Variants in CRPPA observed in about 807,000 individuals in gnomAD.
CRPPA encodes D-ribitol-5-phosphate cytidylyltransferase.
CRPPA carries 43 observed loss-of-function variants against 52.0 expected under a neutral mutation model. The observed-to-expected ratio is 0.83, with a 90% CI of 0.65 to 1.07. The LOEUF (loss-of-function observed/expected upper bound fraction) is 1.07. Ranked by LOEUF, CRPPA falls within the 50% of genes least tolerant of loss-of-function variation. The probability of loss-of-function intolerance (pLI) is 0.00; values close to 1 mark genes in which losing one functional copy is unlikely to be tolerated. For missense variants in CRPPA, 629 were observed against 551.7 expected, an observed-to-expected ratio of 1.14 and a Z score of -1.40; for synonymous variants, 250 against 203.5, an observed-to-expected ratio of 1.23 and a Z score of -1.94.
chr7:16,180,189 T>C (rs868121516), intron 9 of CRPPA, among the ~76,000 whole-genome samples: 11 of 152,200 alleles, frequency 7.2e-5, no homozygotes, highest in Admixed American at 1.3e-4. Context: ...ACAAACTCTG[T>C]TGCCCAATCC....
chr7:16,294,564 G>A (rs1240869645), intron 5 of CRPPA, among the ~76,000 whole-genome samples: 2 of 151,782 alleles, frequency 1.3e-5, no homozygotes, highest in African/African-American at 4.8e-5. Context: ...TGACACAAAT[G>A]TTCTCACAGA....
chr7:16,365,539 C>T (rs1786568692), intron 3 of CRPPA, among the ~76,000 whole-genome samples: 2 of 152,160 alleles, frequency 1.3e-5, no homozygotes, highest in South Asian at 4.2e-4. Context: ...AGAAATAAAT[C>T]TACATAAAGC....
chr7:16,269,887 A>G (rs867504822), intron 6 of CRPPA: 4 of 152,194 alleles, frequency 2.6e-5, no homozygotes, highest in Admixed American at 2.6e-4. Flanking sequence ...AACATCATGT[A>G]TCCTATAACT....
rs78948306 is a variant in CRPPA at position 16,191,233 on chromosome 7, G to T, written c.1251+24833C>A. Among the ~76,000 whole-genome samples the T allele has an allele frequency of 6.6e-5, 10 of 152,132 alleles. No homozygotes were observed. The East Asian group carries it at 1.7e-3, about 26-fold the overall frequency. On this transcript the variant is annotated intron_variant, in intron 9 of 9. Coordinates refer to ENST00000407010, the MANE Select transcript of CRPPA (RefSeq NM_001101426.4). The stretch of plus-strand genomic sequence containing the variant: ...CTTACTCTCATAGTGTAAAGCAGAG[G>T]TTTGCCGAGTATGTTCTAGAATGAA...
intron 9 of CRPPA, among the ~76,000 whole-genome samples, chr7:16,175,901 C>G (rs989283086): frequency 6.6e-6 from 1 of 152,078 alleles, no homozygotes; most frequent in Non-Finnish European, 1.5e-5. Context: ...AATGTCTCTC[C>G]TATTGATGAC....
At chr7:16,401,463 A>C (rs902093003) in intron 2 of CRPPA, among the ~76,000 whole-genome samples, 1 of 152,226 alleles carries the variant, frequency 6.6e-6, no homozygotes, top group African/African-American at 2.4e-5. Flanking sequence ...TTGATCACCA[A>C]CAAGAGCATA....
intron 8 of CRPPA, among the ~76,000 whole-genome samples, chr7:16,255,295 C>T (rs889680761): frequency 1.3e-5 from 2 of 152,058 alleles, no homozygotes; most frequent in African/African-American, 2.4e-5. Context: ...TAAAAGAGGA[C>T]ACAAACGATT....
At chr7:16,305,096 A>G (rs1241032836) in intron 4 of CRPPA, among the ~76,000 whole-genome samples, 1 of 152,220 alleles carries the variant, frequency 6.6e-6, no homozygotes, top group African/African-American at 2.4e-5. Context: ...TACTCTCATC[A>G]TACAAAATAA....
intron 3 of CRPPA, among the ~76,000 whole-genome samples, chr7:16,326,643 T>C (rs893146679): frequency 5.3e-5 from 8 of 152,238 alleles, no homozygotes; most frequent in African/African-American, 1.9e-4. Context: ...GTTCTGAAGT[T>C]AAAGAGATTC....
chr7:16,388,572 C>A (rs1269991733), intron 2 of CRPPA, among the ~76,000 whole-genome samples: 1 of 152,062 alleles, frequency 6.6e-6, no homozygotes, highest in Admixed American at 6.5e-5. Flanking sequence ...AAATATGGTT[C>A]TCTTATAAAA....
At chr7:16,210,497 ACT>A (rs1782104292) in intron 9 of CRPPA, 1 of 152,080 alleles carries the variant, frequency 6.6e-6, no homozygotes, top group Non-Finnish European at 1.5e-5. Flanking sequence ...GTTTCCAGAC[ACT>A]CTGTGCAAAG....
At chr7:16,261,815 T>C (rs929233971) in intron 6 of CRPPA, 1 of 152,088 alleles carries the variant, frequency 6.6e-6, no homozygotes, top group African/African-American at 2.4e-5. Context: ...TGTCAAGCAG[T>C]TTCCCCCACC....
At chr7:16,279,827 C>T (rs1784284705) in intron 5 of CRPPA, among the ~76,000 whole-genome samples, 1 of 152,114 alleles carries the variant, frequency 6.6e-6, no homozygotes, top group Non-Finnish European at 1.5e-5. Context: ...TACTTGAAAG[C>T]TATATTAGTT....
At chr7:16,197,922 G>T (rs1480615696) in intron 9 of CRPPA, among the ~76,000 whole-genome samples, 1 of 148,538 alleles carries the variant, frequency 6.7e-6, no homozygotes, top group African/African-American at 2.5e-5. Context: ...GGCGGTGCAG[G>T]ATGTGCTTTG....
At chr7:16,343,787 C>G (rs1248224077) in intron 3 of CRPPA, among the ~76,000 whole-genome samples, 6 of 152,176 alleles carry the variant, frequency 3.9e-5, no homozygotes, top group Non-Finnish European at 8.8e-5. Flanking sequence ...CAGGAAAGAC[C>G]TCAGAAAGCC....
rs62440396 is a variant in CRPPA, at chr7:16,216,531, G to A, written c.1120-334C>T. The A allele has an allele frequency of 0.32, 75,368 of 238,336 alleles. 14,428 individuals are homozygous for A. The highest frequency in any genetic ancestry group is 0.41 in the Non-Finnish European group (49,101 of 120,830). 14.8% of individuals were successfully genotyped at this position (238,336 alleles called of 1,614,324 possible). ...TTTCTGCATTTCCATCTGAGGTACC[G>A]GGTTCATCTCACTAGGGAGCGCCAG... On this transcript the variant is annotated intron_variant, in intron 8 of 9. Coordinates refer to ENST00000407010, the MANE Select transcript of CRPPA (RefSeq NM_001101426.4).
At chr7:16,228,318 T>TGAA (rs1782703553) in intron 8 of CRPPA, among the ~76,000 whole-genome samples, 1 of 151,960 alleles carries the variant, frequency 6.6e-6, no homozygotes, top group African/African-American at 2.4e-5. Flanking sequence ...CATTCATTTC[T>TGAA]GCTCTATATT....
intron 2 of CRPPA, among the ~76,000 whole-genome samples, chr7:16,400,718 T>C (rs933802463): frequency 2.6e-5 from 4 of 152,202 alleles, no homozygotes; most frequent in Non-Finnish European, 5.9e-5. Flanking sequence ...TACACGTTTG[T>C]GACACGTGAC....
chr7:16,235,326 T>C (rs1321354344), intron 8 of CRPPA, among the ~76,000 whole-genome samples: 1 of 152,100 alleles, frequency 6.6e-6, no homozygotes, highest in Non-Finnish European at 1.5e-5. Context: ...TGAGTAATAC[T>C]TTAAATCGTG....
Sources: gnomAD v4.1 joint callset for allele counts (sites outside exome capture counted in the v4.1 genomes callset) on GRCh38, gnomAD v4.1.1 for gene constraint, MANE v1.5 for transcripts, NCBI Gene and HGNC (gene_info 2026-07-23, HGNC 2026-07-21) for gene names.